CELF2: variants seen among roughly 807,000 people sequenced by gnomAD.
The protein encoded by CELF2 is CUGBP Elav-like family member 2, also known as CUG triplet repeat RNA-binding protein 2.
CELF2 carries 8 observed loss-of-function variants against 62.6 expected under a neutral mutation model. The observed-to-expected ratio is 0.13, with a 90% CI of 0.07 to 0.23. The LOEUF is 0.23. CELF2 is among the 10% of genes least tolerant of loss of function. The pLI, the probability that CELF2 is intolerant of heterozygous loss-of-function variation, is 1.00. For synonymous variants in CELF2, 258 were observed against 250.0 expected, an observed-to-expected ratio of 1.03 and a Z score of -0.30; for missense variants, 333 against 671.0, an observed-to-expected ratio of 0.50 and a Z score of 5.56.
chr10:10,756,805 G>C, the CELF2 span, among the ~76,000 whole-genome samples: 2 of 152,168 alleles, frequency 1.3e-5, no homozygotes. Flanking sequence ...TAAAGAAGCA[G>C]TAATTTTTGC....
the CELF2 span, among the ~76,000 whole-genome samples, chr10:10,505,499 C>G: frequency 1.3e-5 from 2 of 151,932 alleles, no homozygotes; most frequent in Non-Finnish European, 2.9e-5. Flanking sequence ...GTTCAGGCTC[C>G]CCTACATAGA....
At chr10:11,048,430 G>A (rs10905891) in intron 1 of CELF2, among the ~76,000 whole-genome samples, 24,287 of 152,156 alleles carry the variant, frequency 0.16, 3,150 homozygotes, top group East Asian at 0.64. Context: ...AGATGGTTGC[G>A]TTACTGTACC....
chr10:11,032,200 T>A (rs1447860563), intron 1 of CELF2, among the ~76,000 whole-genome samples: 1 of 142,010 alleles, frequency 7.0e-6, no homozygotes, highest in South Asian at 2.3e-4. Context: ...CACTACATCA[T>A]GGGCTCTTTC....
chr10:11,209,489 G>A (rs2061260479), intron 2 of CELF2, among the ~76,000 whole-genome samples: 1 of 151,500 alleles, frequency 6.6e-6, no homozygotes, highest in Non-Finnish European at 1.5e-5. Flanking sequence ...TACTTTCTAA[G>A]AATGTCATTT....
At chr10:11,196,527 C>T (rs1377536896) in intron 2 of CELF2, among the ~76,000 whole-genome samples, 1 of 151,986 alleles carries the variant, frequency 6.6e-6, no homozygotes, top group Non-Finnish European at 1.5e-5. Context: ...ATTAGCCAGG[C>T]ATGATTGTTC....
intron 1 of CELF2, chr10:10,846,292 T>C (rs1229380879): frequency 1.2e-5 from 2 of 169,678 alleles, no homozygotes; most frequent in African/African-American, 4.8e-5. Flanking sequence ...GACTTGGTTT[T>C]TCCTAAAGCT....
rs1035304697 is a variant in CELF2, at chr10:11,333,274, A to G, written c.*4221A>G. On this transcript the variant is annotated 3_prime_UTR_variant, in exon 13 of 13. Coordinates refer to ENST00000633077, the MANE Select transcript of CELF2 (RefSeq NM_001326342.2). ...TTCCACAGAGACAAACTGTCCTTCT[A>G]TCCACTTTTATCTTTTAATAAATAT... 1.3e-5 allele frequency: 2 copies of G among 152,598 alleles called. No individual in the cohort carries two copies. The highest frequency in any genetic ancestry group is 2.1e-4 in the South Asian group (1 of 4,836). 9.5% of individuals were successfully genotyped at this position (152,598 alleles called of 1,614,324 possible).
chr10:10,976,816 A>T (rs1564296949), intron 2 of CELF2, among the ~76,000 whole-genome samples: 1 of 152,070 alleles, frequency 6.6e-6, no homozygotes, highest in Non-Finnish European at 1.5e-5. Flanking sequence ...CTTCCCTCGA[A>T]CTAACTCAAA....
the CELF2 span, among the ~76,000 whole-genome samples, chr10:10,710,571 T>C: frequency 6.6e-6 from 1 of 152,194 alleles, no homozygotes; most frequent in Non-Finnish European, 1.5e-5. Flanking sequence ...ACAGTTTGGG[T>C]GAAAATCAAT....
rs144607448 is a variant in CELF2, at chr10:11,111,632, G to A, written c.75-53854G>A. On this transcript the variant is annotated intron_variant, in intron 1 of 12. Transcript: ENST00000633077. ...TGCTTGTCTGTCTGATATGAAGGCA[G>A]TCTCTCTTTTCACATAGGCAACGTG... Among the ~76,000 whole-genome samples the A allele has an allele frequency of 5.1e-4, 77 of 152,224 alleles. 1 individual carries two copies. The highest frequency in any genetic ancestry group is 1.0e-3 in the South Asian group (5 of 4,824).
At chr10:10,821,655 G>T (rs2056974276) in intron 1 of CELF2, among the ~76,000 whole-genome samples, 1 of 151,920 alleles carries the variant, frequency 6.6e-6, no homozygotes, top group Admixed American at 6.6e-5. Context: ...TTGGTTTTTT[G>T]TTTTTTTAAG....
chr10:10,830,449 C>T (rs901990069), intron 1 of CELF2, among the ~76,000 whole-genome samples: 2 of 152,108 alleles, frequency 1.3e-5, no homozygotes, highest in African/African-American at 4.8e-5. Flanking sequence ...AAAAATATAA[C>T]ATAGTTCGTA....
chr10:11,000,741 C>T (rs771546708), upstream of CELF2, among the ~76,000 whole-genome samples: 7 of 152,178 alleles, frequency 4.6e-5, no homozygotes, highest in Non-Finnish European at 8.8e-5. Context: ...TACTTTAAAC[C>T]CACTGTCAGT....
chr10:10,793,366 G>T, the CELF2 span, among the ~76,000 whole-genome samples: 1 of 152,160 alleles, frequency 6.6e-6, no homozygotes. Flanking sequence ...GTGAGGATAT[G>T]TACAAAACAC....
rs554418635 is a variant in CELF2 at position 11,106,870 on chromosome 10, T to C, written c.75-58616T>C. The stretch of plus-strand genomic sequence containing the variant: ...AATGACGCTTCAGTGTGCAGGCTAC[T>C]TCTCAGCTCAGACTTACTATCTAAA... On this transcript the variant is annotated intron_variant, in intron 1 of 12. Transcript: ENST00000633077. Among the ~76,000 whole-genome samples the C allele has an allele frequency of 5.3e-5, 8 of 152,274 alleles. No homozygotes were observed. In the South Asian group the frequency reaches 1.7e-3, roughly 32 times the overall value.
rs1285113834 is a variant in CELF2 at position 11,214,430 on chromosome 10, C to T, written c.272-2995C>T. On this transcript the variant is annotated intron_variant, in intron 2 of 12. Coordinates refer to ENST00000633077, the MANE Select transcript of CELF2 (RefSeq NM_001326342.2). The surrounding 1 kb of genome is among the most constrained non-coding windows in gnomAD (Gnocchi z 4.2). ...TCCCAGTCTCCTTGTCTGCCCAGGA[C>T]CCCACATTTGTGTAAGTTGCTAATT... Among the ~76,000 whole-genome samples, 1 of 152,180 alleles carries T rather than the reference C, an allele frequency of 6.6e-6. No individual in the cohort carries two copies. The highest frequency in any genetic ancestry group is 1.5e-5 in the Non-Finnish European group (1 of 68,030).
intron 3 of CELF2, among the ~76,000 whole-genome samples, chr10:11,240,573 A>G (rs2073486450): frequency 6.6e-6 from 1 of 152,084 alleles, no homozygotes; most frequent in South Asian, 2.1e-4. Context: ...ATGGCAAATT[A>G]GCCGGGGCTA....
rs1380470859 is a variant in CELF2, at chr10:11,178,347, C to T, written c.271+12665C>T. Reference sequence around the variant, plus strand: ...TCTTAGCTGTTCTGCAAGTCCAGCACAGGGTGTATTCAGCTCTAGAGGTGG... The same window carrying T: ...TCTTAGCTGTTCTGCAAGTCCAGCATAGGGTGTATTCAGCTCTAGAGGTGG... On this transcript the variant is annotated intron_variant, in intron 2 of 12. Transcript: ENST00000633077. The surrounding 1 kb of genome is among the most constrained non-coding windows in gnomAD (Gnocchi z 4.3). 2.0e-5 allele frequency among the ~76,000 whole-genome samples: 3 copies of T among 152,186 alleles called. No homozygotes were observed. Among genetic ancestry groups the T allele is most frequent in the African/African-American group, 7.2e-5 (3 of 41,436 alleles).
At chr10:10,654,105 C>G in the CELF2 span, among the ~76,000 whole-genome samples, 1 of 146,510 alleles carries the variant, frequency 6.8e-6, no homozygotes, top group Non-Finnish European at 1.5e-5. Context: ...CGCAAATAAA[C>G]TAGAAAATCT....
Sources: allele counts gnomAD v4.1 joint callset (sites outside exome capture counted in the v4.1 genomes callset), GRCh38; gene constraint gnomAD v4.1.1; non-coding constraint Gnocchi (gnomAD v3.1); transcripts MANE v1.5; gene names NCBI Gene and HGNC (gene_info 2026-07-23, HGNC 2026-07-21).